IMPDH1: variants seen among roughly 807,000 people sequenced by gnomAD.
IMPDH1 encodes inosine monophosphate dehydrogenase 1.
IMPDH1 carries 41 observed loss-of-function variants against 73.5 expected under a neutral mutation model. That is an observed-to-expected ratio of 0.56 (90% CI 0.43 to 0.72). The LOEUF is 0.72. Among genes scored for constraint, IMPDH1 ranks in the 30% least tolerant of loss-of-function variants. IMPDH1 has a pLI of 0.00. For synonymous variants in IMPDH1, 318 were observed against 334.3 expected, an observed-to-expected ratio of 0.95 and a Z score of 0.53; for missense variants, 645 against 824.8, an observed-to-expected ratio of 0.78 and a Z score of 2.67.
rs1563006022 is a variant in IMPDH1, at chr7:128,409,520, C to G, written c.147-36G>C. Reference sequence around the variant, plus strand: ...AGGGAAGGTTTTTACGACCTGTTCCCTCTCCTCCGCTCCCCCGTGCAACGA... The same window carrying G: ...AGGGAAGGTTTTTACGACCTGTTCCGTCTCCTCCGCTCCCCCGTGCAACGA... On this transcript the variant is annotated intron_variant, in intron 1 of 16. Transcript: ENST00000338791. 3 of 1,610,672 alleles carry G rather than the reference C, an allele frequency of 1.9e-6. No homozygotes were observed. The East Asian group carries it at 6.7e-5, about 36-fold the overall frequency.
intron 1 of IMPDH1, 53 bp downstream of exon 1, chr7:128,409,684 TTCCCGGAGCCGCCGCGCCC>T: frequency 6.6e-7 from 1 of 1,519,838 alleles, no homozygotes; most frequent in Admixed American, 2.0e-5. Context: ...CGTCGCCGGG[TTCCCGGAGCCGCCGCGCCC>T]TCCTCGGCCG....
chr7:128,396,592 A>G lies in IMPDH1; in HGVS notation c.1261+8T>C. On this transcript the variant is annotated splice_region_variant and intron_variant, in intron 12 of 16. Transcript: ENST00000338791. This position sits in a 1 kb window ranked among gnomAD's most constrained non-coding sequence, Gnocchi z 4.0. ...CCAGCGGGCACTCGCTCACCTCCTG[A>G]CACCCACCTTCCTGGGTGATGCAGA... The G allele has an allele frequency of 6.5e-7, 1 of 1,547,416 alleles. No homozygotes were observed. Among genetic ancestry groups the G allele is most frequent in the Non-Finnish European group, 8.7e-7 (1 of 1,143,724 alleles).
chr7:128,407,719 C>T (rs1798872224), intron 3 of IMPDH1, among the ~76,000 whole-genome samples: 1 of 152,174 alleles, frequency 6.6e-6, no homozygotes, highest in Non-Finnish European at 1.5e-5. Context: ...TCACTGTCCC[C>T]TACAGTATGA....
Position 128,393,026 on chromosome 7 carries a change from T to C in IMPDH1, c.1781A>G (p.Tyr594Cys). The change falls in exon 17 of 17, where the codon TAC becomes TGC. Residue 594 changes from tyrosine (Y) to cysteine (C), a missense_variant and splice_region_variant. By Grantham distance (194) the Tyr-to-Cys change is radical. Coordinates refer to ENST00000338791, the MANE Select transcript of IMPDH1 (RefSeq NM_000883.4). The stretch of plus-strand genomic sequence containing the variant: ...CTGTCCTCAGTACAGCCGCTTTTCG[T>C]AACTGTGGGGACAAGGCAAGAGGGG... ...IEGGVHGLHS[Y>C]EKRLY The C allele has an allele frequency of 6.2e-7, 1 of 1,613,822 alleles. No homozygotes were observed. Among genetic ancestry groups the C allele is most frequent in the Non-Finnish European group, 8.5e-7 (1 of 1,179,818 alleles).
chr7:128,400,243 C>T (rs775357183), intron 8 of IMPDH1, 61 bp from the exon 9 acceptor site: 2 of 1,603,080 alleles, frequency 1.2e-6, no homozygotes, highest in Admixed American at 1.7e-5. Flanking sequence ...GCCAGGCCTC[C>T]CTCTGGTCCC....
At chr7:128,400,785 G>A (rs1318025452) in intron 7 of IMPDH1, 32 bp downstream of exon 7, 6 of 1,593,772 alleles carry the variant, frequency 3.8e-6, no homozygotes, top group Non-Finnish European at 4.3e-6. Flanking sequence ...ACTGCCAGGT[G>A]GCATCTTGCT....
At chr7:128,408,467 T>C (rs1798919713) in intron 3 of IMPDH1, among the ~76,000 whole-genome samples, 1 of 152,090 alleles carries the variant, frequency 6.6e-6, no homozygotes, top group African/African-American at 2.4e-5. Context: ...CAGCTCCAGG[T>C]TGGCGAAGGC....
chr7:128,396,818 C>T lies in IMPDH1; in HGVS notation c.1165+114G>A. On this transcript the variant is annotated intron_variant, in intron 11 of 16. Transcript: ENST00000338791. The surrounding 1 kb of genome is among the most constrained non-coding windows in gnomAD (Gnocchi z 4.0). ...CCTACAGTGACCAAAGCCCATCATGCTCCCTGCCACCCATGCCAGGAGCCA... is the reference window on the plus strand; with the variant it reads ...CCTACAGTGACCAAAGCCCATCATGTTCCCTGCCACCCATGCCAGGAGCCA... The T allele has an allele frequency of 8.8e-7, 1 of 1,132,632 alleles. No homozygotes were observed. The allele number at this position is 1,132,632 out of a possible 1,614,324, so 70.2% of individuals were successfully genotyped here.
At chr7:128,395,610 A>C (rs1797862484) in intron 12 of IMPDH1, among the ~76,000 whole-genome samples, 1 of 152,132 alleles carries the variant, frequency 6.6e-6, no homozygotes, top group African/African-American at 2.4e-5. Context: ...TGTTTGCAAA[A>C]ACCGTTACCA....
At chr7:128,399,995 A>G in intron 9 of IMPDH1, 100 bp downstream of exon 9, 1 of 936,842 alleles carries the variant, frequency 1.1e-6, no homozygotes, top group Non-Finnish European at 1.7e-6. Flanking sequence ...CCCAGGGCTC[A>G]GTCTGGTTGC....
chr7:128,404,587 G>A (rs1480027242), intron 4 of IMPDH1, among the ~76,000 whole-genome samples: 4 of 152,128 alleles, frequency 2.6e-5, no homozygotes, highest in Admixed American at 1.3e-4. Context: ...AAGCAAAGCA[G>A]CAGGCATCCC....
chr7:128,403,023 CA>C (rs565740666), intron 5 of IMPDH1, among the ~76,000 whole-genome samples: 38 of 152,284 alleles, frequency 2.5e-4, no homozygotes, highest in Admixed American at 4.6e-4. Flanking sequence ...GCATTCCAGA[CA>C]AAATCCAATC....
chr7:128,394,825 G>T lies in IMPDH1; in HGVS notation c.1550+64C>A. 1 of 1,589,448 alleles carries T rather than the reference G, an allele frequency of 6.3e-7. No homozygotes were observed. On this transcript the variant is annotated intron_variant, in intron 14 of 16. Coordinates refer to ENST00000338791, the MANE Select transcript of IMPDH1 (RefSeq NM_000883.4). The surrounding 1 kb of genome is among the most constrained non-coding windows in gnomAD (Gnocchi z 5.5). ...CTGGCTGCCATCTGGGGAAGTCGGTGGCATGAGCGGGCCCTGAAGGGTTGT... is the reference window on the plus strand; with the variant it reads ...CTGGCTGCCATCTGGGGAAGTCGGTTGCATGAGCGGGCCCTGAAGGGTTGT...
chr7:128,406,016 C>T (rs537741803), intron 3 of IMPDH1, 151 bp from the exon 4 acceptor site: 23,974 of 413,272 alleles, frequency 0.058, 1,176 homozygotes, highest in East Asian at 0.23. Context: ...GCTGCGGCAG[C>T]GGCAGGGCGG....
rs1179175333 is a variant in IMPDH1, at chr7:128,409,280, T to G, written c.254+9A>C. On this transcript the variant is annotated intron_variant, in intron 3 of 16. Transcript: ENST00000338791. ...TCAGTGCATGGTGAGGAGGGGAGAG[T>G]GTCCTCACCTAGCCCTGCGAAGGCG... 6.2e-7 allele frequency: 1 copy of G among 1,607,910 alleles called. No homozygotes were observed.
intron 7 of IMPDH1, 43 bp from the exon 8 acceptor site, chr7:128,400,582 G>T: frequency 6.4e-7 from 1 of 1,568,468 alleles, no homozygotes; most frequent in Non-Finnish European, 8.7e-7. Flanking sequence ...AAGAAAGCCA[G>T]GGATGATGTC....
At chr7:128,404,433 C>T (rs1798561709) in intron 4 of IMPDH1, among the ~76,000 whole-genome samples, 1 of 152,160 alleles carries the variant, frequency 6.6e-6, no homozygotes, top group Admixed American at 6.5e-5. Context: ...CAGCAAACTC[C>T]GCAAGGGAAG....
At chr7:128,401,604 A>C (rs4731449) in intron 5 of IMPDH1, among the ~76,000 whole-genome samples, 18,728 of 152,256 alleles carry the variant, frequency 0.12, 1,198 homozygotes, top group Middle Eastern at 0.15. Context: ...CCACGGACAG[A>C]AGCTCAGATT....
chr7:128,409,758 C>T lies in IMPDH1; in HGVS notation c.144G>A (p.Glu48=), dbSNP rs1484951032. 3.3e-6 allele frequency: 5 copies of T among 1,523,128 alleles called. No individual in the cohort carries two copies. In the East Asian group the frequency reaches 1.0e-4, roughly 31 times the overall value. 94.4% of individuals were successfully genotyped at this position (1,523,128 alleles called of 1,614,324 possible). A position where few individuals can be genotyped will look rare whatever the true frequency, so the allele number is the denominator to read the frequency against. Residue 48 remains glutamate, a splice_region_variant and synonymous_variant, in exon 1 of 17, where the codon GAG becomes GAA. Transcript: ENST00000338791. Reference sequence around the variant, plus strand: ...GCGCGCTCTGCCCTGGGCGTCACCTCTCGGGCTCGTAGCCGGCCTGCAGCA... The same window carrying T: ...GCGCGCTCTGCCCTGGGCGTCACCTTTCGGGCTCGTAGCCGGCCTGCAGCA... ...ARLLQAGYEP[E]SPRLDLATHP... is the part of the protein sequence containing the mutation.
Sources: gnomAD v4.1 joint callset for allele counts (sites outside exome capture counted in the v4.1 genomes callset) on GRCh38, gnomAD v4.1.1 for gene constraint, Gnocchi (gnomAD v3.1) non-coding constraint, MANE v1.5 for transcripts, NCBI Gene and HGNC (gene_info 2026-07-23, HGNC 2026-07-21) for gene names.